The following PDE4D variants were observed in gnomAD, a reference collection of about 807,000 sequenced individuals.
The protein encoded by PDE4D is 3',5'-cyclic-AMP phosphodiesterase 4D.
In PDE4D, 24 loss-of-function variants were observed where a neutral mutation model predicts 87.4. That is an observed-to-expected ratio of 0.27 (90% CI 0.20 to 0.39). PDE4D has a LOEUF of 0.39. Among genes scored for constraint, PDE4D ranks in the 10% least tolerant of loss-of-function variants. PDE4D has a pLI of 1.00. For synonymous variants in PDE4D, 384 were observed against 383.2 expected (o/e 1.00, Z -0.02); for missense variants, 714 against 1,041.0 (o/e 0.69, Z 4.32).
At position 60,498,500 on chromosome 5, in the gene PDE4D, T is replaced by C. The variant is rs184553269; in HGVS notation, n.70+23551A>G. On this transcript the variant is annotated intron_variant and non_coding_transcript_variant, in intron 1 of 2. Transcript: ENST00000506510. ...AATACCTTCACCCCAGTCCCAGAACTTGTACAAATGGGGCCTGGGCCACAG... is the reference window on the plus strand; with the variant it reads ...AATACCTTCACCCCAGTCCCAGAACCTGTACAAATGGGGCCTGGGCCACAG... Among the ~76,000 whole-genome samples the C allele has an allele frequency of 1.8e-3, 274 of 152,226 alleles. 2 individuals are homozygous for C. Among genetic ancestry groups the C allele is most frequent in the African/African-American group, 6.3e-3 (263 of 41,548 alleles).
At chr5:59,459,657 G>A (rs1302156752) in intron 1 of PDE4D, among the ~76,000 whole-genome samples, 1 of 152,176 alleles carries the variant, frequency 6.6e-6, no homozygotes, top group Admixed American at 6.5e-5. Context: ...CCAAAGCCCT[G>A]TATTAGATTT....
chr5:59,840,414 C>A (rs770238507), intron 1 of PDE4D, among the ~76,000 whole-genome samples: 4 of 151,972 alleles, frequency 2.6e-5, no homozygotes, highest in Non-Finnish European at 4.4e-5. Context: ...AGAGGAGGGG[C>A]CTTCCCTTCC....
At chr5:59,924,790 T>C (rs1755058908) in intron 3 of PDE4D, among the ~76,000 whole-genome samples, 1 of 152,142 alleles carries the variant, frequency 6.6e-6, no homozygotes, top group Admixed American at 6.5e-5. Flanking sequence ...ATAGTAAATA[T>C]GCAGAGAAAC....
At chr5:59,691,792 G>A (rs1750994192) in intron 1 of PDE4D, among the ~76,000 whole-genome samples, 3 of 151,612 alleles carry the variant, frequency 2.0e-5, no homozygotes, top group South Asian at 4.2e-4. Context: ...CAAAAAATAA[G>A]CTTAATAATA....
At chr5:59,046,689 T>C (rs969092340) in intron 5 of PDE4D, among the ~76,000 whole-genome samples, 3 of 152,204 alleles carry the variant, frequency 2.0e-5, no homozygotes, top group African/African-American at 7.2e-5. Context: ...TTTTGTTTTA[T>C]TCATTGAAGG....
intron 1 of PDE4D, among the ~76,000 whole-genome samples, chr5:60,508,879 C>CT (rs1750437331): frequency 4.7e-5 from 7 of 149,614 alleles, no homozygotes; most frequent in African/African-American, 1.7e-4. Context: ...TTTTTTCTTT[C>CT]TTTCTTTTCT....
chr5:59,804,775 C>T (rs180812453), intron 1 of PDE4D, among the ~76,000 whole-genome samples: 23 of 152,080 alleles, frequency 1.5e-4, no homozygotes, highest in Middle Eastern at 3.4e-3. Flanking sequence ...GTGCCAATAG[C>T]GTTGTTTCTT....
At chr5:60,107,100 T>C (rs975151712) in intron 2 of PDE4D, among the ~76,000 whole-genome samples, 1 of 151,992 alleles carries the variant, frequency 6.6e-6, no homozygotes, top group Non-Finnish European at 1.5e-5. Flanking sequence ...ACAAAATTGA[T>C]AGACCGCTAG....
chr5:59,063,077 C>T (rs530177562), intron 5 of PDE4D: 1 of 152,224 alleles, frequency 6.6e-6, no homozygotes, highest in Non-Finnish European at 1.5e-5. Context: ...GCCCTTTTGT[C>T]CTTTCAGATT....
intron 1 of PDE4D, among the ~76,000 whole-genome samples, chr5:60,407,041 G>GAT (rs2150057687): frequency 6.6e-6 from 1 of 152,282 alleles, no homozygotes; most frequent in African/African-American, 2.4e-5. Flanking sequence ...AAAAAGGCCA[G>GAT]GAGATGAGAT....
chr5:60,180,558 T>C (rs1232610054), intron 2 of PDE4D, among the ~76,000 whole-genome samples: 5 of 152,108 alleles, frequency 3.3e-5, no homozygotes, highest in Non-Finnish European at 7.4e-5. Flanking sequence ...TTTTAACAAA[T>C]TGTAAAAATT....
intron 1 of PDE4D, among the ~76,000 whole-genome samples, chr5:60,245,231 G>A (rs1747623322): frequency 6.6e-6 from 1 of 151,928 alleles, no homozygotes; most frequent in Non-Finnish European, 1.5e-5. Flanking sequence ...ACTACAATGA[G>A]ATATCATCTC....
chr5:59,512,235 T>A (rs773591038), intron 1 of PDE4D, among the ~76,000 whole-genome samples: 3 of 152,180 alleles, frequency 2.0e-5, no homozygotes, highest in Non-Finnish European at 4.4e-5. Context: ...CCCTTTTGAA[T>A]GCTGTGGCAA....
chr5:60,516,121 T>C (rs1388093471), intron 1 of PDE4D, among the ~76,000 whole-genome samples: 1 of 152,202 alleles, frequency 6.6e-6, no homozygotes, highest in Non-Finnish European at 1.5e-5. Flanking sequence ...AAGTTTGCGA[T>C]GGAATAGAAA....
intron 1 of PDE4D, among the ~76,000 whole-genome samples, chr5:59,364,842 T>A (rs1013674260): frequency 1.4e-4 from 21 of 151,882 alleles, no homozygotes; most frequent in African/African-American, 5.1e-4. Flanking sequence ...CCCACCCACC[T>A]ACCTTCCTTC....
At chr5:58,990,384 A>G (rs983666398) in intron 9 of PDE4D, among the ~76,000 whole-genome samples, 2 of 152,192 alleles carry the variant, frequency 1.3e-5, no homozygotes, top group African/African-American at 2.4e-5. Context: ...AGAGAGAGAA[A>G]TGGATATGAA....
chr5:59,632,603 G>C (rs1580007874), intron 1 of PDE4D, among the ~76,000 whole-genome samples: 2 of 152,242 alleles, frequency 1.3e-5, no homozygotes, highest in Non-Finnish European at 2.9e-5. Flanking sequence ...AGGCAAACAG[G>C]GTGTGGAGTG....
At chr5:59,273,356 T>A (rs1293736779) in intron 1 of PDE4D, among the ~76,000 whole-genome samples, 2 of 150,430 alleles carry the variant, frequency 1.3e-5, no homozygotes, top group South Asian at 4.1e-4. Flanking sequence ...TGTATACATA[T>A]ATATACACAC....
intron 3 of PDE4D, among the ~76,000 whole-genome samples, chr5:59,983,285 G>T (rs1481076869): frequency 1.3e-5 from 2 of 152,170 alleles, no homozygotes; most frequent in South Asian, 2.1e-4. Context: ...TGCTCTGCAG[G>T]TTAAATGTCA....
Sources: allele counts gnomAD v4.1 joint callset (sites outside exome capture counted in the v4.1 genomes callset), GRCh38; gene constraint gnomAD v4.1.1; transcripts MANE v1.5; gene names NCBI Gene and HGNC (gene_info 2026-07-23, HGNC 2026-07-21).